Variants in ADGRL2 observed in about 807,000 individuals in gnomAD.
The protein encoded by ADGRL2 is adhesion G protein-coupled receptor L2.
A neutral mutation model predicts 157.4 loss-of-function variants in ADGRL2; 44 were observed. That is an observed-to-expected ratio of 0.28 (90% CI 0.22 to 0.36). The LOEUF (loss-of-function observed/expected upper bound fraction) is 0.36, where lower values mean the gene tolerates loss of function less well. ADGRL2 is among the 10% of genes least tolerant of loss of function. The pLI, the probability that ADGRL2 is intolerant of heterozygous loss-of-function variation, is 1.00. For missense variants in ADGRL2, 1,510 were observed against 1,768.9 expected, an observed-to-expected ratio of 0.85 and a Z score of 2.63; for synonymous variants, 585 against 624.7, an observed-to-expected ratio of 0.94 and a Z score of 0.95.
intron 2 of ADGRL2, among the ~76,000 whole-genome samples, chr1:81,550,197 AG>A (rs2080112984): frequency 6.6e-6 from 1 of 152,192 alleles, no homozygotes; most frequent in African/African-American, 2.4e-5. Context: ...TTTCTCAGGA[AG>A]GAATGAATAG....
At chr1:81,629,647 AAATG>A (rs1196581333) in intron 3 of ADGRL2, among the ~76,000 whole-genome samples, 46 of 149,550 alleles carry the variant, frequency 3.1e-4, no homozygotes, top group Admixed American at 4.7e-4. Context: ...ATTTGTTGTT[AAATG>A]AATGAATGAA....
At chr1:81,326,210 C>G (rs1406600259) in intron 1 of ADGRL2, among the ~76,000 whole-genome samples, 1 of 152,154 alleles carries the variant, frequency 6.6e-6, no homozygotes, top group Non-Finnish European at 1.5e-5. Flanking sequence ...TCTCAGTCCT[C>G]TGGAAATAAA....
chr1:81,333,474 G>C (rs1186467169), intron 1 of ADGRL2, among the ~76,000 whole-genome samples: 4 of 151,918 alleles, frequency 2.6e-5, no homozygotes, highest in Non-Finnish European at 5.9e-5. Context: ...GGAGTGCAGT[G>C]GCACCATCTT....
intron 1 of ADGRL2, among the ~76,000 whole-genome samples, chr1:81,330,788 C>T (rs1452556052): frequency 1.3e-5 from 2 of 152,180 alleles, no homozygotes; most frequent in African/African-American, 4.8e-5. Flanking sequence ...TTGACATCTG[C>T]ACCAGGCAGA....
At chr1:81,313,838 T>C (rs1659922915) in intron 1 of ADGRL2, among the ~76,000 whole-genome samples, 3 of 152,150 alleles carry the variant, frequency 2.0e-5, no homozygotes, top group African/African-American at 7.2e-5. Context: ...CTGCCATTGA[T>C]TTTTTTCTGG....
chr1:81,463,651 T>G (rs1246876404), intron 2 of ADGRL2, among the ~76,000 whole-genome samples: 1 of 152,188 alleles, frequency 6.6e-6, no homozygotes, highest in Non-Finnish European at 1.5e-5. Flanking sequence ...GATTCTCTTT[T>G]TGTGAGATAG....
chr1:81,331,349 T>C (rs1402844763), intron 1 of ADGRL2, among the ~76,000 whole-genome samples: 1 of 152,094 alleles, frequency 6.6e-6, no homozygotes, highest in African/African-American at 2.4e-5. Context: ...AAATAATGAT[T>C]AGATAAGTTT....
At chr1:81,989,959 T>C in intron 23 of ADGRL2, 1 of 984,984 alleles carries the variant, frequency 1.0e-6, no homozygotes, top group Non-Finnish European at 1.2e-6. Context: ...TACTCCTTTT[T>C]AATTTAGTGT....
At chr1:81,803,967 G>C (rs1327673973) in intron 1 of ADGRL2, among the ~76,000 whole-genome samples, 1 of 152,110 alleles carries the variant, frequency 6.6e-6, no homozygotes, top group African/African-American at 2.4e-5. Flanking sequence ...TTACCTGTTA[G>C]GTTGTCTCTT....
At chr1:81,637,551 C>T (rs763193429) in intron 3 of ADGRL2, among the ~76,000 whole-genome samples, 4 of 152,012 alleles carry the variant, frequency 2.6e-5, no homozygotes, top group Non-Finnish European at 4.4e-5. Flanking sequence ...TCAAAAATAA[C>T]GAATGTATCA....
chr1:81,596,344 G>A (rs564522232), intron 3 of ADGRL2: 64 of 534,668 alleles, frequency 1.2e-4, no homozygotes, highest in African/African-American at 1.1e-3. Flanking sequence ...GTAGGCATTC[G>A]AACTTGTCCT....
At chr1:81,772,902 C>T (rs981219942) in intron 2 of ADGRL2, among the ~76,000 whole-genome samples, 2 of 152,004 alleles carry the variant, frequency 1.3e-5, no homozygotes, top group Non-Finnish European at 2.9e-5. Flanking sequence ...TAGCACAATA[C>T]TAAAAATGAT....
intron 2 of ADGRL2, among the ~76,000 whole-genome samples, chr1:81,848,721 A>C (rs1296636134): frequency 6.6e-6 from 1 of 151,938 alleles, no homozygotes; most frequent in Admixed American, 6.6e-5. Flanking sequence ...ACTTTCAAAT[A>C]ATCTTCCAAA....
intron 1 of ADGRL2, among the ~76,000 whole-genome samples, chr1:81,407,272 AG>A (rs776137288): frequency 3.3e-5 from 5 of 152,234 alleles, no homozygotes; most frequent in Non-Finnish European, 7.3e-5. Flanking sequence ...AATGAAAACC[AG>A]CCTCCTGGAT....
At chr1:81,312,295 C>G (rs1050709546) in intron 1 of ADGRL2, among the ~76,000 whole-genome samples, 2 of 152,194 alleles carry the variant, frequency 1.3e-5, no homozygotes, top group East Asian at 1.9e-4. Context: ...CATCACCCAA[C>G]CAATGTGGAG....
chr1:81,716,492 T>G (rs1036066243), intron 1 of ADGRL2, among the ~76,000 whole-genome samples: 1 of 152,208 alleles, frequency 6.6e-6, no homozygotes, highest in African/African-American at 2.4e-5. Context: ...AGAAATTACA[T>G]TTTATTACTG....
chr1:81,766,983 C>T (rs17107162), intron 2 of ADGRL2, among the ~76,000 whole-genome samples: 20,868 of 151,932 alleles, frequency 0.14, 1,675 homozygotes, highest in Admixed American at 0.18. Flanking sequence ...TTCTTTAATC[C>T]GAGCTAAACA....
intron 10 of ADGRL2, among the ~76,000 whole-genome samples, chr1:81,955,401 A>G (rs1306016852): frequency 6.6e-6 from 1 of 152,122 alleles, no homozygotes. Flanking sequence ...TTTGGTTACT[A>G]TTTTAGTTGA....
intron 2 of ADGRL2, among the ~76,000 whole-genome samples, chr1:81,846,997 T>C (rs1415938238): frequency 1.3e-5 from 2 of 151,468 alleles, no homozygotes; most frequent in Non-Finnish European, 3.0e-5. Flanking sequence ...GTTTTTTTTT[T>C]TTTACAGTTT....
Sources: gnomAD v4.1 joint callset for allele counts (sites outside exome capture counted in the v4.1 genomes callset) on GRCh38, gnomAD v4.1.1 for gene constraint, MANE v1.5 for transcripts, NCBI Gene and HGNC (gene_info 2026-07-23, HGNC 2026-07-21) for gene names.